DOCK9: variants seen among roughly 807,000 people sequenced by gnomAD.
DOCK9 encodes the protein dedicator of cytokinesis 9.
In DOCK9, 89 loss-of-function variants were observed where a neutral mutation model predicts 263.3. The observed-to-expected ratio is 0.34, with a 90% CI of 0.28 to 0.40. The LOEUF (loss-of-function observed/expected upper bound fraction) is 0.40. Among genes scored for constraint, DOCK9 ranks in the 10% least tolerant of loss-of-function variants. The pLI, the probability that DOCK9 is intolerant of heterozygous loss-of-function variation, is 1.00. For missense variants in DOCK9, 2,140 were observed against 2,603.4 expected (o/e 0.82, Z 3.87); for synonymous variants, 976 against 973.1 (o/e 1.00, Z -0.06).
At chr13:98,861,803 T>C (rs1335016406) in intron 32 of DOCK9, among the ~76,000 whole-genome samples, 1 of 152,202 alleles carries the variant, frequency 6.6e-6, no homozygotes, top group Non-Finnish European at 1.5e-5. Flanking sequence ...TTCCAATGCA[T>C]GTTTAAAAAA....
At chr13:98,978,158 A>C, upstream of DOCK9, 1 of 1,303,246 alleles carries the variant, frequency 7.7e-7, no homozygotes, top group East Asian at 2.7e-5. Context: ...CCAAAGGAAA[A>C]CAAACTCCAA....
chr13:98,882,995 T>G (rs760376721), intron 23 of DOCK9, 47 bp downstream of exon 23: 4 of 1,533,400 alleles, frequency 2.6e-6, no homozygotes, highest in Non-Finnish European at 3.6e-6. Flanking sequence ...AAACCCAACC[T>G]ACTCCAAACT....
At chr13:98,890,789 T>C (rs2046503800) in intron 15 of DOCK9, among the ~76,000 whole-genome samples, 1 of 152,244 alleles carries the variant, frequency 6.6e-6, no homozygotes, top group South Asian at 2.1e-4. Flanking sequence ...TCTAAATTCC[T>C]GCATCCTTAA....
intron 7 of DOCK9, among the ~76,000 whole-genome samples, chr13:98,917,476 G>C (rs930217943): frequency 6.6e-6 from 1 of 152,132 alleles, no homozygotes; most frequent in Non-Finnish European, 1.5e-5. Context: ...AACATACTCT[G>C]ATATAATTAG....
At chr13:99,042,963 A>G (rs1888608954) in intron 1 of DOCK9, among the ~76,000 whole-genome samples, 1 of 152,194 alleles carries the variant, frequency 6.6e-6, no homozygotes, top group South Asian at 2.1e-4. Context: ...ATAGGGCCTT[A>G]CAAGGCCCCA....
intron 3 of DOCK9, 21 bp from the exon 4 acceptor site, chr13:98,925,940 A>C (rs2052876608): frequency 6.6e-7 from 1 of 1,519,830 alleles, no homozygotes; most frequent in African/African-American, 1.4e-5. Flanking sequence ...GGGATTTTAA[A>C]AATAGAAAAT....
intron 9 of DOCK9, among the ~76,000 whole-genome samples, chr13:98,907,871 G>A (rs2049365584): frequency 1.3e-5 from 2 of 152,094 alleles, no homozygotes; most frequent in African/African-American, 2.4e-5. Flanking sequence ...GAATAGTAAC[G>A]ATAAGAGCTA....
chr13:99,042,848 A>G (rs2142140764), intron 1 of DOCK9, among the ~76,000 whole-genome samples: 1 of 152,318 alleles, frequency 6.6e-6, no homozygotes, highest in South Asian at 2.1e-4. Context: ...ATTTTTATAC[A>G]TCCAATTATT....
At chr13:98,969,596 G>T (rs2141301399) in intron 1 of DOCK9, among the ~76,000 whole-genome samples, 1 of 152,330 alleles carries the variant, frequency 6.6e-6, no homozygotes, top group Middle Eastern at 3.4e-3. Context: ...CAATAAAGCG[G>T]GATGCCTGAC....
At chr13:98,982,673 A>C (rs771694384), upstream of DOCK9, among the ~76,000 whole-genome samples, 2 of 152,230 alleles carry the variant, frequency 1.3e-5, no homozygotes, top group Non-Finnish European at 2.9e-5. Context: ...CCCTAAAGTG[A>C]AATGGTGTAT....
At chr13:98,957,418 A>G (rs1268555377) in intron 1 of DOCK9, among the ~76,000 whole-genome samples, 1 of 152,220 alleles carries the variant, frequency 6.6e-6, no homozygotes, top group Admixed American at 6.5e-5. Context: ...CTAAGAAAAA[A>G]AGCAATGACC....
At chr13:99,030,202 C>T (rs1039955341) in intron 1 of DOCK9, among the ~76,000 whole-genome samples, 1 of 152,114 alleles carries the variant, frequency 6.6e-6, no homozygotes, top group East Asian at 1.9e-4. Context: ...CACAAATGTG[C>T]AAATTTACTA....
intron 1 of DOCK9, among the ~76,000 whole-genome samples, chr13:98,991,840 T>TA (rs969658590): frequency 1.8e-4 from 27 of 150,396 alleles, no homozygotes; most frequent in East Asian, 1.6e-3. Flanking sequence ...AAGAAAAAAG[T>TA]AAAAAAAAAT....
intron 30 of DOCK9, among the ~76,000 whole-genome samples, chr13:98,866,254 A>C (rs1322787333): frequency 2.4e-4 from 37 of 152,172 alleles, no homozygotes; most frequent in Admixed American, 2.4e-3. Flanking sequence ...TGTATGTAGA[A>C]TAGCCGGGGA....
intron 38 of DOCK9, among the ~76,000 whole-genome samples, chr13:98,844,810 T>C (rs1180796560): frequency 6.6e-6 from 1 of 152,212 alleles, no homozygotes; most frequent in Non-Finnish European, 1.5e-5. Flanking sequence ...ATACAATGCA[T>C]TGGGAACACT....
chr13:98,988,912 G>T (rs1020919928), intron 1 of DOCK9, among the ~76,000 whole-genome samples: 1 of 152,202 alleles, frequency 6.6e-6, no homozygotes, highest in Admixed American at 6.5e-5. Context: ...CTCGCTCCCA[G>T]GGTAGGACGG....
chr13:98,897,028 C>T (rs1333507773), intron 15 of DOCK9, among the ~76,000 whole-genome samples: 1 of 152,170 alleles, frequency 6.6e-6, no homozygotes, highest in Admixed American at 6.5e-5. Context: ...CTGCCACAAG[C>T]TAAGCAACAA....
intron 9 of DOCK9, among the ~76,000 whole-genome samples, chr13:98,910,906 T>C (rs1478437840): frequency 1.3e-5 from 2 of 152,026 alleles, no homozygotes; most frequent in African/African-American, 2.4e-5. Context: ...TCTGTAACCA[T>C]GGAATCCATC....
chr13:98,829,190 A>AT lies in DOCK9; in HGVS notation c.4965+116dup. The AT allele has an allele frequency of 2.2e-6, 2 of 920,056 alleles. No homozygotes were observed. The highest frequency in any genetic ancestry group is 5.2e-5 in the Admixed American group (2 of 38,550). The allele number at this position is 920,056 out of a possible 1,614,324, so 57.0% of individuals were successfully genotyped here. On this transcript the variant is annotated intron_variant, in intron 43 of 52. Transcript: ENST00000682017. This position sits in a 1 kb window ranked among gnomAD's most constrained non-coding sequence, Gnocchi z 4.1. The stretch of plus-strand genomic sequence containing the variant: ...AGCTTCATACTGTTTAAAGTTTTGC[A>AT]TACTTTTAATTGGTTTTTGATTAAT...
Sources: allele counts gnomAD v4.1 joint callset (sites outside exome capture counted in the v4.1 genomes callset), GRCh38; gene constraint gnomAD v4.1.1; non-coding constraint Gnocchi (gnomAD v3.1); transcripts MANE v1.5; gene names NCBI Gene and HGNC (gene_info 2026-07-23, HGNC 2026-07-21).